TRAPPC9: variants seen among roughly 807,000 people sequenced by gnomAD.
The protein encoded by TRAPPC9 is trafficking protein particle complex subunit 9.
TRAPPC9 carries 83 observed loss-of-function variants against 124.0 expected under a neutral mutation model. The observed-to-expected ratio is 0.67, with a 90% CI of 0.56 to 0.80. The LOEUF (loss-of-function observed/expected upper bound fraction) is 0.80, where lower values mean the gene tolerates loss of function less well. Ranked by LOEUF, TRAPPC9 falls within the 30% of genes least tolerant of loss-of-function variation. The pLI, the probability that TRAPPC9 is intolerant of heterozygous loss-of-function variation, is 0.00. For synonymous variants in TRAPPC9, 638 were observed against 617.5 expected (o/e 1.03, Z -0.49); for missense variants, 1,302 against 1,508.3 (o/e 0.86, Z 2.27).
chr8:140,080,603 G>C (rs1329953030), intron 17 of TRAPPC9, among the ~76,000 whole-genome samples: 2 of 152,154 alleles, frequency 1.3e-5, no homozygotes, highest in Non-Finnish European at 2.9e-5. Context: ...ATGACAGCGA[G>C]AACTCTCTCA....
Position 140,137,667 on chromosome 8 carries a change from T to C in TRAPPC9, c.2556+83792A>G, listed in dbSNP as rs982978252. ...CTAGACGTTCCACCAATGGTTTACATTTTCTTTAAAATCTGAGATGCATCT... is the reference window on the plus strand; with the variant it reads ...CTAGACGTTCCACCAATGGTTTACACTTTCTTTAAAATCTGAGATGCATCT... On this transcript the variant is annotated intron_variant, in intron 17 of 22. Transcript: ENST00000438773. Among the ~76,000 whole-genome samples, 4 of 152,244 alleles carry C rather than the reference T, an allele frequency of 2.6e-5. No individual in the cohort carries two copies. The East Asian group carries it at 7.7e-4, about 29-fold the overall frequency.
At chr8:140,404,436 A>G (rs1245680489) in intron 6 of TRAPPC9, among the ~76,000 whole-genome samples, 1 of 152,200 alleles carries the variant, frequency 6.6e-6, no homozygotes, top group Non-Finnish European at 1.5e-5. Context: ...GTTTATGAGC[A>G]TGTCTCACAA....
chr8:140,302,146 C>T (rs900163506), intron 10 of TRAPPC9, among the ~76,000 whole-genome samples: 10 of 152,206 alleles, frequency 6.6e-5, no homozygotes, highest in African/African-American at 2.4e-4. Flanking sequence ...AGCATGCCTA[C>T]AGCACTCGGC....
At chr8:140,209,908 T>C (rs1458120372) in intron 17 of TRAPPC9, among the ~76,000 whole-genome samples, 1 of 152,262 alleles carries the variant, frequency 6.6e-6, no homozygotes, top group Non-Finnish European at 1.5e-5. Context: ...AGCGTGAACT[T>C]TGGATTCAGA....
chr8:139,862,759 G>A (rs729854), intron 21 of TRAPPC9, among the ~76,000 whole-genome samples: 36,374 of 152,218 alleles, frequency 0.24, 4,540 homozygotes, highest in East Asian at 0.49. Context: ...AGAAAGGGAG[G>A]GGAAGCACGG....
At chr8:139,820,026 A>G (rs1194767395) in intron 21 of TRAPPC9, among the ~76,000 whole-genome samples, 5 of 150,864 alleles carry the variant, frequency 3.3e-5, no homozygotes, top group African/African-American at 1.2e-4. Context: ...AAAAAAAAAA[A>G]AAAAAGAGAA....
intron 20 of TRAPPC9, among the ~76,000 whole-genome samples, chr8:139,906,139 T>C (rs1254800994): frequency 6.6e-6 from 1 of 151,828 alleles, no homozygotes; most frequent in Non-Finnish European, 1.5e-5. Flanking sequence ...AAAAAAGGGG[T>C]ACCTAACCCA....
chr8:139,790,631 G>GT (rs1822594657), intron 21 of TRAPPC9, among the ~76,000 whole-genome samples: 2 of 152,212 alleles, frequency 1.3e-5, no homozygotes, highest in South Asian at 4.1e-4. Flanking sequence ...CCGGCATTCA[G>GT]TGGGTAGAGA....
chr8:139,752,759 TA>T (rs1563785860), intron 21 of TRAPPC9, among the ~76,000 whole-genome samples: 1 of 149,722 alleles, frequency 6.7e-6, no homozygotes, highest in Non-Finnish European at 1.5e-5. Flanking sequence ...TCCATCCATC[TA>T]TATATCCATC....
intron 19 of TRAPPC9, among the ~76,000 whole-genome samples, chr8:139,930,025 C>T (rs1320357634): frequency 1.3e-5 from 2 of 152,182 alleles, no homozygotes; most frequent in African/African-American, 4.8e-5. Flanking sequence ...TGGATTCTGC[C>T]GATTCTCTAC....
At chr8:140,042,339 T>A (rs757576177) in intron 17 of TRAPPC9, among the ~76,000 whole-genome samples, 1 of 152,166 alleles carries the variant, frequency 6.6e-6, no homozygotes, top group Non-Finnish European at 1.5e-5. Context: ...AAATAAAACG[T>A]TGGGGAAAAT....
intron 17 of TRAPPC9, among the ~76,000 whole-genome samples, chr8:140,214,240 A>T (rs2063136761): frequency 6.6e-6 from 1 of 152,188 alleles, no homozygotes; most frequent in Admixed American, 6.5e-5. Context: ...TGTTTTAGGC[A>T]CGTCATATCC....
chr8:139,977,382 G>A (rs1299047024), intron 19 of TRAPPC9, among the ~76,000 whole-genome samples: 3 of 152,030 alleles, frequency 2.0e-5, no homozygotes, highest in African/African-American at 7.2e-5. Context: ...AGCACTTTGG[G>A]AGGCCGAGGC....
chr8:140,456,398 C>G (rs888507050), intron 1 of TRAPPC9, among the ~76,000 whole-genome samples: 1 of 141,648 alleles, frequency 7.1e-6, no homozygotes. Flanking sequence ...GGCGACAGTG[C>G]GAGACTCCGT....
intron 19 of TRAPPC9, among the ~76,000 whole-genome samples, chr8:139,923,321 G>A (rs1273238413): frequency 6.6e-6 from 1 of 152,208 alleles, no homozygotes; most frequent in Admixed American, 6.5e-5. Flanking sequence ...GCCTCAGTGT[G>A]ACCCTGTGAC....
rs573417089 is a variant in TRAPPC9 at position 139,842,966 on chromosome 8, G to T, written c.3055+42913C>A. ...TGAAGGAACAGTACGTGGCAGGCTG[G>T]GCATACCTTGCCAGATGCTTCCAGC... On this transcript the variant is annotated intron_variant, in intron 21 of 22. Coordinates refer to ENST00000438773, the MANE Select transcript of TRAPPC9 (RefSeq NM_001160372.4). Among the ~76,000 whole-genome samples the T allele has an allele frequency of 8.5e-5, 13 of 152,314 alleles. No individual in the cohort carries two copies. In the East Asian group the frequency reaches 2.5e-3, roughly 29 times the overall value.
At chr8:140,215,126 G>A (rs766093303) in intron 17 of TRAPPC9, among the ~76,000 whole-genome samples, 1 of 152,026 alleles carries the variant, frequency 6.6e-6, no homozygotes, top group East Asian at 1.9e-4. Context: ...GACAAACCTC[G>A]ACAACCAGAA....
At chr8:139,846,383 T>C (rs1301404309) in intron 21 of TRAPPC9, among the ~76,000 whole-genome samples, 3 of 152,214 alleles carry the variant, frequency 2.0e-5, no homozygotes, top group Non-Finnish European at 2.9e-5. Context: ...TTCCTATCCA[T>C]GGCCCACGAC....
intron 19 of TRAPPC9, among the ~76,000 whole-genome samples, chr8:139,942,394 AT>A (rs1833971901): frequency 6.7e-6 from 1 of 150,304 alleles, no homozygotes; most frequent in Non-Finnish European, 1.5e-5. Flanking sequence ...TTTAAAAAAA[AT>A]CATGAGAATC....
Sources: gnomAD v4.1 joint callset for allele counts (sites outside exome capture counted in the v4.1 genomes callset) on GRCh38, gnomAD v4.1.1 for gene constraint, MANE v1.5 for transcripts, NCBI Gene and HGNC (gene_info 2026-07-23, HGNC 2026-07-21) for gene names.